HSF2BP: variants seen among roughly 807,000 people sequenced by gnomAD.
The protein encoded by HSF2BP is heat shock factor 2-binding protein.
Under a neutral mutation model 35.0 loss-of-function variants are expected in HSF2BP, and 35 were observed. The ratio of observed to expected loss-of-function variants is 1.00; its 90% CI spans 0.76 to 1.32. The LOEUF (loss-of-function observed/expected upper bound fraction) is 1.32, where lower values mean the gene tolerates loss of function less well. Among genes scored for constraint, HSF2BP ranks in the 40% most tolerant of loss-of-function variants. The pLI is 0.00. For missense variants in HSF2BP, 326 were observed against 321.7 expected (o/e 1.01, Z -0.10); for synonymous variants, 114 against 117.4 (o/e 0.97, Z 0.18).
chr21:43,657,649 G>A (rs966592780), intron 2 of HSF2BP, among the ~76,000 whole-genome samples: 2 of 152,236 alleles, frequency 1.3e-5, no homozygotes, highest in Non-Finnish European at 2.9e-5. Context: ...CTTCTCCATC[G>A]CATGCAATCA....
chr21:43,625,413 T>C (rs529567288), intron 6 of HSF2BP, among the ~76,000 whole-genome samples: 1 of 152,238 alleles, frequency 6.6e-6, no homozygotes, highest in East Asian at 1.9e-4. Context: ...GTGGTTGCCT[T>C]GGGCTGGTGA....
intron 7 of HSF2BP, among the ~76,000 whole-genome samples, chr21:43,606,181 T>C (rs141646786): frequency 3.0e-4 from 46 of 151,838 alleles, no homozygotes; most frequent in African/African-American, 1.1e-3. Flanking sequence ...CCTCCACCAG[T>C]GTGGAAATGA....
Position 43,656,741 on chromosome 21 carries a change from A to C in HSF2BP, c.37-4T>G. 2 of 1,608,474 alleles carry C rather than the reference A, an allele frequency of 1.2e-6. No homozygotes were observed. The highest frequency in any genetic ancestry group is 1.3e-5 in the African/African-American group (1 of 74,708). ...ATTCCTCTTTAGTTCCCATGTGCTA[A>C]AAGAACAAGCAGATCTTATTATATT... On this transcript the variant is annotated splice_polypyrimidine_tract_variant and splice_region_variant and intron_variant, in intron 2 of 8. Coordinates refer to ENST00000291560, the MANE Select transcript of HSF2BP (RefSeq NM_007031.2).
chr21:43,573,546 A>G (rs901022051), intron 8 of HSF2BP, among the ~76,000 whole-genome samples: 12 of 152,266 alleles, frequency 7.9e-5, no homozygotes, highest in African/African-American at 2.9e-4. Flanking sequence ...TCAGAAGGCC[A>G]GACCAAAACA....
chr21:43,573,768 G>C (rs1262049986), intron 8 of HSF2BP, among the ~76,000 whole-genome samples: 2 of 151,980 alleles, frequency 1.3e-5, no homozygotes, highest in Non-Finnish European at 2.9e-5. Flanking sequence ...GCACAGGAAG[G>C]GGTCATCAGT....
chr21:43,634,684 C>T (rs1263901397), intron 4 of HSF2BP, among the ~76,000 whole-genome samples: 2 of 152,130 alleles, frequency 1.3e-5, no homozygotes, highest in African/African-American at 4.8e-5. Flanking sequence ...CACATTCATA[C>T]GTATATGCAC....
the HSF2BP span, among the ~76,000 whole-genome samples, chr21:43,506,069 G>A: frequency 7.6e-6 from 1 of 131,568 alleles, no homozygotes; most frequent in Non-Finnish European, 1.7e-5. Flanking sequence ...CTGCTCTGGG[G>A]AAAGGCAGCC....
chr21:43,656,786 A>C lies in HSF2BP; in HGVS notation c.37-49T>G, dbSNP rs763285771. 3 of 1,526,360 alleles carry C rather than the reference A, an allele frequency of 2.0e-6. No individual in the cohort carries two copies. The South Asian group carries it at 3.6e-5, about 18-fold the overall frequency. The allele number at this position is 1,526,360 out of a possible 1,614,324, so 94.6% of individuals were successfully genotyped here. A position where few individuals can be genotyped will look rare whatever the true frequency, so the allele number is the denominator to read the frequency against. ...TATATTTCTCTTCACATGAGAAAAAAAACAACAGCTCAAGTTAACTTGCTT... is the reference window on the plus strand; with the variant it reads ...TATATTTCTCTTCACATGAGAAAAACAACAACAGCTCAAGTTAACTTGCTT... On this transcript the variant is annotated intron_variant, in intron 2 of 8. Transcript: ENST00000291560.
At chr21:43,573,135 AGCATGGT>A (rs1456029886) in intron 8 of HSF2BP, among the ~76,000 whole-genome samples, 1 of 152,232 alleles carries the variant, frequency 6.6e-6, no homozygotes, top group African/African-American at 2.4e-5. Flanking sequence ...GGGTAAGCCA[AGCATGGT>A]GCTCTGGAAT....
intron 5 of HSF2BP, among the ~76,000 whole-genome samples, chr21:43,632,175 TCCCC>T: frequency 2.5e-5 from 1 of 39,564 alleles, no homozygotes; most frequent in Non-Finnish European, 4.6e-5. Context: ...ACACACACGC[TCCCC>T]CACACACACA....
At chr21:43,638,983 C>A (rs1010948941) in intron 4 of HSF2BP, among the ~76,000 whole-genome samples, 1 of 152,198 alleles carries the variant, frequency 6.6e-6, no homozygotes, top group Non-Finnish European at 1.5e-5. Flanking sequence ...AGAGAACCCA[C>A]AACAGACCCA....
chr21:43,655,270 T>G (rs764967271), intron 3 of HSF2BP, among the ~76,000 whole-genome samples: 3 of 152,216 alleles, frequency 2.0e-5, no homozygotes, highest in Non-Finnish European at 4.4e-5. Flanking sequence ...AGTTGCTGGA[T>G]GAGCATGAAA....
chr21:43,638,178 G>A (rs985500460), intron 4 of HSF2BP, among the ~76,000 whole-genome samples: 2 of 152,060 alleles, frequency 1.3e-5, no homozygotes, highest in African/African-American at 2.4e-5. Flanking sequence ...AGACTACAGG[G>A]GCCGGGTGCG....
At chr21:43,653,890 A>G (rs1326039826) in intron 3 of HSF2BP, among the ~76,000 whole-genome samples, 2 of 152,126 alleles carry the variant, frequency 1.3e-5, no homozygotes, top group Admixed American at 6.6e-5. Context: ...AGTAGTGAGG[A>G]AGAGAGACAG....
intron 7 of HSF2BP, among the ~76,000 whole-genome samples, chr21:43,599,574 A>G (rs1045127703): frequency 1.3e-5 from 2 of 152,142 alleles, no homozygotes; most frequent in Admixed American, 6.5e-5. Context: ...CGGGCAGGTC[A>G]CTTGAGGTCA....
intron 4 of HSF2BP, among the ~76,000 whole-genome samples, chr21:43,637,853 G>A (rs949207891): frequency 6.6e-6 from 1 of 151,288 alleles, no homozygotes; most frequent in Non-Finnish European, 1.5e-5. Flanking sequence ...ACTAGGAATA[G>A]AGGGGAACCT....
Position 43,590,145 on chromosome 21 carries a change from G to A in HSF2BP, c.796+2080C>T, listed in dbSNP as rs2081908279. On this transcript the variant is annotated intron_variant, in intron 8 of 8. Coordinates refer to ENST00000291560, the MANE Select transcript of HSF2BP (RefSeq NM_007031.2). ...ACACATTTGTCAAAGGACACAAACCGAATACATAAAGAACTCTCAATATTC... is the reference window on the plus strand; with the variant it reads ...ACACATTTGTCAAAGGACACAAACCAAATACATAAAGAACTCTCAATATTC... Among the ~76,000 whole-genome samples, 7 of 152,102 alleles carry A rather than the reference G, an allele frequency of 4.6e-5. 2 individuals carry two copies. The South Asian group carries it at 1.4e-3, about 32-fold the overall frequency.
At chr21:43,572,811 A>G (rs1279214792) in intron 8 of HSF2BP, among the ~76,000 whole-genome samples, 14 of 152,238 alleles carry the variant, frequency 9.2e-5, no homozygotes, top group Non-Finnish European at 1.9e-4. Context: ...AAAGTGAAAA[A>G]GTTCCAATCT....
At chr21:43,634,557 T>C (rs946571670) in intron 4 of HSF2BP, among the ~76,000 whole-genome samples, 3 of 152,176 alleles carry the variant, frequency 2.0e-5, no homozygotes, top group African/African-American at 7.2e-5. Context: ...TTTCACCCCC[T>C]GGAGGAAAAA....
Sources: allele counts gnomAD v4.1 joint callset (sites outside exome capture counted in the v4.1 genomes callset), GRCh38; gene constraint gnomAD v4.1.1; transcripts MANE v1.5; gene names NCBI Gene and HGNC (gene_info 2026-07-23, HGNC 2026-07-21).